The following GXYLT2 variants were observed in gnomAD, a reference collection of about 807,000 sequenced individuals.
The protein encoded by GXYLT2 is glucoside xylosyltransferase 2.
A neutral mutation model predicts 45.8 loss-of-function variants in GXYLT2; 53 were observed. The ratio of observed to expected loss-of-function variants is 1.16; its 90% CI spans 0.93 to 1.46. The LOEUF is 1.46. Ranked by LOEUF, GXYLT2 falls within the 40% of genes most tolerant of loss-of-function variation. The pLI is 0.00. For missense variants in GXYLT2, 551 were observed against 544.4 expected, an observed-to-expected ratio of 1.01 and a Z score of -0.12; for synonymous variants, 219 against 214.2, an observed-to-expected ratio of 1.02 and a Z score of -0.19.
chr3:72,941,532 T>G (rs1710298238), intron 3 of GXYLT2, among the ~76,000 whole-genome samples: 1 of 152,176 alleles, frequency 6.6e-6, no homozygotes, highest in Non-Finnish European at 1.5e-5. Flanking sequence ...ACCTGGCCAT[T>G]CTACGCCCCT....
At chr3:72,948,030 A>G (rs1458189150) in intron 3 of GXYLT2, among the ~76,000 whole-genome samples, 1 of 152,232 alleles carries the variant, frequency 6.6e-6, no homozygotes, top group Admixed American at 6.5e-5. Context: ...AGAGAAAAAG[A>G]TAAATTCACA....
At chr3:72,948,350 T>C (rs1215838059) in intron 3 of GXYLT2, among the ~76,000 whole-genome samples, 3 of 152,178 alleles carry the variant, frequency 2.0e-5, no homozygotes, top group African/African-American at 4.8e-5. Flanking sequence ...TTCACCAAGA[T>C]AGGCCGTATC....
chr3:72,946,389 A>G (rs931375729), intron 3 of GXYLT2, among the ~76,000 whole-genome samples: 6 of 151,988 alleles, frequency 3.9e-5, no homozygotes, highest in Admixed American at 1.3e-4. Context: ...TCCCAGTCGT[A>G]GAGAAGACTA....
At chr3:72,918,124 G>A (rs1180169570) in intron 2 of GXYLT2, among the ~76,000 whole-genome samples, 2 of 152,126 alleles carry the variant, frequency 1.3e-5, no homozygotes, top group Non-Finnish European at 2.9e-5. Context: ...AAACAAATGG[G>A]TGTGGCTGTG....
intron 5 of GXYLT2, among the ~76,000 whole-genome samples, chr3:72,963,539 G>A (rs949351144): frequency 1.6e-4 from 24 of 146,070 alleles, no homozygotes; most frequent in African/African-American, 6.0e-4. Flanking sequence ...GTCTCACCCT[G>A]TTGCCCAGGC....
At chr3:72,922,715 TAAC>T (rs1709852759) in intron 3 of GXYLT2, among the ~76,000 whole-genome samples, 1 of 152,344 alleles carries the variant, frequency 6.6e-6, no homozygotes, top group Admixed American at 6.5e-5. Flanking sequence ...CTTATCACAA[TAAC>T]AACTACTAGT....
At chr3:72,927,599 T>G (rs1007337379) in intron 3 of GXYLT2, among the ~76,000 whole-genome samples, 7 of 152,158 alleles carry the variant, frequency 4.6e-5, no homozygotes, top group African/African-American at 1.7e-4. Context: ...CAATTAACAT[T>G]GAGACATCCT....
chr3:72,897,261 G>T (rs1045177730), intron 1 of GXYLT2, among the ~76,000 whole-genome samples: 1 of 152,178 alleles, frequency 6.6e-6, no homozygotes, highest in African/African-American at 2.4e-5. Context: ...AAGAGATAAA[G>T]CTTCAGTCGC....
intron 3 of GXYLT2, among the ~76,000 whole-genome samples, chr3:72,945,320 A>AAATAG (rs1710383950): frequency 6.6e-6 from 1 of 151,950 alleles, no homozygotes; most frequent in African/African-American, 2.4e-5. Context: ...AAATAAAATA[A>AAATAG]TAGTGTTTCT....
intron 3 of GXYLT2, among the ~76,000 whole-genome samples, chr3:72,952,325 T>A (rs1710543749): frequency 1.3e-5 from 2 of 152,170 alleles, no homozygotes; most frequent in South Asian, 4.1e-4. Context: ...AATCTTCATT[T>A]ATGAAATGGT....
intron 3 of GXYLT2, among the ~76,000 whole-genome samples, chr3:72,940,924 C>G (rs1374247888): frequency 6.6e-6 from 1 of 152,142 alleles, no homozygotes; most frequent in African/African-American, 2.4e-5. Context: ...AAGCAATACT[C>G]CCACCTCGGT....
chr3:72,909,068 T>TTTTC (rs1357503333), intron 2 of GXYLT2, among the ~76,000 whole-genome samples: 1 of 107,790 alleles, frequency 9.3e-6, no homozygotes, highest in African/African-American at 4.7e-5. Context: ...CTTTCTTTTT[T>TTTTC]TTTTTTTTTT....
intron 2 of GXYLT2, among the ~76,000 whole-genome samples, chr3:72,920,617 A>T (rs751765309): frequency 1.7e-4 from 26 of 152,102 alleles, no homozygotes; most frequent in Non-Finnish European, 3.4e-4. Flanking sequence ...AGTGTATTTT[A>T]AAAATTTTGT....
intron 3 of GXYLT2, among the ~76,000 whole-genome samples, chr3:72,927,928 A>C (rs1483341670): frequency 3.3e-5 from 5 of 152,258 alleles, no homozygotes; most frequent in Non-Finnish European, 1.5e-5. Flanking sequence ...CTAGCAAAGA[A>C]GGAAATTAAT....
At chr3:72,908,260 G>T (rs1709545991) in intron 1 of GXYLT2, 107 bp from the exon 2 acceptor site, 1 of 702,376 alleles carries the variant, frequency 1.4e-6, no homozygotes, top group Non-Finnish European at 2.3e-6. Flanking sequence ...ATAACAGATT[G>T]TGCCTGATCA....
At chr3:72,940,138 AC>A (rs1710273811) in intron 3 of GXYLT2, among the ~76,000 whole-genome samples, 1 of 152,206 alleles carries the variant, frequency 6.6e-6, no homozygotes. Context: ...AGCCTGGGTG[AC>A]AGAACAAGAC....
chr3:72,923,052 C>A (rs996345306), intron 3 of GXYLT2, among the ~76,000 whole-genome samples: 6 of 151,854 alleles, frequency 4.0e-5, no homozygotes, highest in Admixed American at 2.6e-4. Context: ...GTTAGGAGTT[C>A]AAGACCAGCC....
At chr3:72,930,386 C>T (rs543812072) in intron 3 of GXYLT2, among the ~76,000 whole-genome samples, 2 of 151,516 alleles carry the variant, frequency 1.3e-5, no homozygotes, top group East Asian at 2.0e-4. Flanking sequence ...CCTATAGTCC[C>T]AGCTACTCAG....
chr3:72,889,907 G>GGTT lies in GXYLT2; in HGVS notation c.275+1399_275+1400insGTT, dbSNP rs1215251183. ...CTGTTTTTCTTTTGGTTTTTTTTTT[G>GGTT]TTTTTTTTTTTTTTTTGTGACAAAG... On this transcript the variant is annotated intron_variant, in intron 1 of 6. Transcript: ENST00000389617. 6.3e-3 allele frequency among the ~76,000 whole-genome samples: 743 copies of GGTT among 118,786 alleles called. 8 individuals are homozygous for GGTT. The highest frequency in any genetic ancestry group is 0.022 in the African/African-American group (662 of 30,066). 77.9% of individuals were successfully genotyped at this position (118,786 alleles called of 152,430 possible).
Sources: allele counts gnomAD v4.1 joint callset (sites outside exome capture counted in the v4.1 genomes callset), GRCh38; gene constraint gnomAD v4.1.1; transcripts MANE v1.5; gene names NCBI Gene and HGNC (gene_info 2026-07-23, HGNC 2026-07-21).